Variants in COL8A1 observed in about 807,000 individuals in gnomAD.
The protein encoded by COL8A1 is collagen alpha-1(VIII) chain.
Under a neutral mutation model 42.7 loss-of-function variants are expected in COL8A1, and 21 were observed. That is an observed-to-expected ratio of 0.49 (90% CI 0.35 to 0.71). COL8A1 has a LOEUF of 0.71. Among genes scored for constraint, COL8A1 ranks in the 30% least tolerant of loss-of-function variants. The probability of loss-of-function intolerance (pLI) is 0.01; values close to 1 mark genes in which losing one functional copy is unlikely to be tolerated. For missense variants in COL8A1, 788 were observed against 962.4 expected (o/e 0.82, Z 2.40); for synonymous variants, 367 against 369.1 (o/e 0.99, Z 0.06).
At chr3:99,705,685 G>A (rs1223556078) in intron 1 of COL8A1, among the ~76,000 whole-genome samples, 1 of 152,130 alleles carries the variant, frequency 6.6e-6, no homozygotes, top group Non-Finnish European at 1.5e-5. Flanking sequence ...AATGATTCAT[G>A]TTCCTAAAAT....
At chr3:99,702,863 T>C (rs960792597) in intron 1 of COL8A1, among the ~76,000 whole-genome samples, 6 of 152,154 alleles carry the variant, frequency 3.9e-5, no homozygotes, top group African/African-American at 1.2e-4. Context: ...TAGGTGGAGT[T>C]GCTTTTTTAT....
At chr3:99,682,080 A>T (rs748328290) in intron 1 of COL8A1, among the ~76,000 whole-genome samples, 2 of 152,196 alleles carry the variant, frequency 1.3e-5, no homozygotes, top group Non-Finnish European at 2.9e-5. Flanking sequence ...AAGGCCTTTT[A>T]TACAAATCCG....
chr3:99,669,146 T>TATATATAGAGAGAGAGAGAGAG lies in COL8A1; in HGVS notation c.-129+30483_-129+30484insTATATAGAGAGAGAGAGAGAGA. On this transcript the variant is annotated intron_variant, in intron 1 of 3. Transcript: ENST00000652472. ...AATTATATATATATATATATATATA[T>TATATATAGAGAGAGAGAGAGAG]AGAGGGAGAGAGAGAGAGAGAGAGA... is the stretch of plus-strand genomic sequence containing the variant. 2.6e-5 allele frequency among the ~76,000 whole-genome samples: 3 copies of TATATATAGAGAGAGAGAGAGAG among 115,364 alleles called. No individual in the cohort carries two copies. The Admixed American group carries it at 2.8e-4, about 11-fold the overall frequency. The allele number at this position is 115,364 out of a possible 152,430, so 75.7% of individuals were successfully genotyped here.
intron 3 of COL8A1, among the ~76,000 whole-genome samples, chr3:99,791,839 A>T (rs927059072): frequency 6.6e-6 from 1 of 152,224 alleles, no homozygotes; most frequent in Non-Finnish European, 1.5e-5. Flanking sequence ...GAAATGAGAG[A>T]GACCTAGTCA....
At chr3:99,682,788 A>C (rs1938928544) in intron 1 of COL8A1, among the ~76,000 whole-genome samples, 1 of 152,194 alleles carries the variant, frequency 6.6e-6, no homozygotes, top group African/African-American at 2.4e-5. Flanking sequence ...CTCACATCAG[A>C]AATTCAATGG....
chr3:99,753,657 T>C (rs899760163), intron 2 of COL8A1, among the ~76,000 whole-genome samples: 1 of 152,180 alleles, frequency 6.6e-6, no homozygotes, highest in Non-Finnish European at 1.5e-5. Flanking sequence ...GCTTTTTTTT[T>C]ACACAAAACT....
intron 1 of COL8A1, among the ~76,000 whole-genome samples, chr3:99,696,129 A>G (rs1390909133): frequency 1.3e-5 from 2 of 152,188 alleles, no homozygotes; most frequent in Non-Finnish European, 2.9e-5. Flanking sequence ...GTGAGGCTCC[A>G]CCTCAAAAAC....
intron 2 of COL8A1, among the ~76,000 whole-genome samples, chr3:99,755,083 A>G (rs1941228475): frequency 6.6e-6 from 1 of 152,220 alleles, no homozygotes; most frequent in Non-Finnish European, 1.5e-5. Flanking sequence ...AAGCAACCCT[A>G]AAATTAGGCT....
intron 1 of COL8A1, among the ~76,000 whole-genome samples, chr3:99,674,208 C>T (rs765722725): frequency 5.9e-5 from 9 of 151,826 alleles, no homozygotes; most frequent in African/African-American, 1.2e-4. Context: ...GGAAATCTCT[C>T]GGGAATGGAG....
intron 2 of COL8A1, among the ~76,000 whole-genome samples, chr3:99,767,956 A>G (rs960977524): frequency 6.6e-6 from 1 of 152,222 alleles, no homozygotes; most frequent in Non-Finnish European, 1.5e-5. Flanking sequence ...TGAAGGTGAT[A>G]TAAGGAGATT....
chr3:99,656,599 T>C (rs1938029407), intron 1 of COL8A1, among the ~76,000 whole-genome samples: 1 of 152,062 alleles, frequency 6.6e-6, no homozygotes, highest in African/African-American at 2.4e-5. Context: ...CAGTTTAGGG[T>C]TATTATTTTT....
intron 1 of COL8A1, among the ~76,000 whole-genome samples, chr3:99,681,312 C>T (rs1938875200): frequency 6.6e-6 from 1 of 152,154 alleles, no homozygotes; most frequent in East Asian, 1.9e-4. Flanking sequence ...TCAAACAACC[C>T]CATCAAAAAG....
At chr3:99,700,644 C>T (rs1482686743) in intron 1 of COL8A1, among the ~76,000 whole-genome samples, 3 of 152,164 alleles carry the variant, frequency 2.0e-5, no homozygotes, top group Non-Finnish European at 4.4e-5. Context: ...CATTTGGCTG[C>T]CTTTTTTCCA....
intron 1 of COL8A1, among the ~76,000 whole-genome samples, chr3:99,652,990 A>G (rs1411004075): frequency 6.6e-6 from 1 of 152,144 alleles, no homozygotes; most frequent in Non-Finnish European, 1.5e-5. Flanking sequence ...TTACCACTGA[A>G]CAACGCAGCC....
intron 1 of COL8A1, among the ~76,000 whole-genome samples, chr3:99,667,300 C>T (rs1022361522): frequency 1.3e-5 from 2 of 151,906 alleles, no homozygotes; most frequent in African/African-American, 2.4e-5. Flanking sequence ...TGGTTCCATA[C>T]GTAATAAAAA....
intron 2 of COL8A1, among the ~76,000 whole-genome samples, chr3:99,773,837 A>ATATTATATATATATATATATATATTTT (rs1200212756): frequency 6.6e-5 from 3 of 45,400 alleles, no homozygotes; most frequent in African/African-American, 2.6e-4. Context: ...ATATATATAT[A>ATATTATATATATATATATATATATTTT]TTTTTTTTTT....
chr3:99,725,277 A>G (rs1055133200), intron 1 of COL8A1, among the ~76,000 whole-genome samples: 5 of 152,060 alleles, frequency 3.3e-5, no homozygotes, highest in African/African-American at 7.2e-5. Context: ...CCACTGCCAT[A>G]AGAAAGTTCT....
intron 1 of COL8A1, among the ~76,000 whole-genome samples, chr3:99,709,991 A>G (rs1939790488): frequency 6.6e-6 from 1 of 152,162 alleles, no homozygotes; most frequent in Non-Finnish European, 1.5e-5. Context: ...GGAATCTCAG[A>G]ATTATACTTG....
At chr3:99,644,663 T>C (rs1007964589) in intron 1 of COL8A1, among the ~76,000 whole-genome samples, 2 of 152,254 alleles carry the variant, frequency 1.3e-5, no homozygotes, top group African/African-American at 2.4e-5. Flanking sequence ...AACATTCTTT[T>C]AAGTAAGTCT....
Sources: allele counts gnomAD v4.1 joint callset (sites outside exome capture counted in the v4.1 genomes callset), GRCh38; gene constraint gnomAD v4.1.1; transcripts MANE v1.5; gene names NCBI Gene and HGNC (gene_info 2026-07-23, HGNC 2026-07-21).